TNNI1: variants seen among roughly 807,000 people sequenced by gnomAD.
The protein encoded by TNNI1 is troponin I, slow skeletal muscle.
In TNNI1, 14 loss-of-function variants were observed where a neutral mutation model predicts 26.7. The ratio of observed to expected loss-of-function variants is 0.52; its 90% confidence interval spans 0.35 to 0.82. The LOEUF (loss-of-function observed/expected upper bound fraction) is 0.82, where lower values mean the gene tolerates loss of function less well. TNNI1 is among the 40% of genes least tolerant of loss of function. TNNI1 has a pLI of 0.01. For synonymous variants in TNNI1, 79 were observed against 98.2 expected (o/e 0.80, Z 1.16); for missense variants, 164 against 257.0 (o/e 0.64, Z 2.47).
chr1:201,417,697 A>C, intron 2 of TNNI1, 86 bp downstream of exon 2: 1 of 1,214,178 alleles, frequency 8.2e-7, no homozygotes, highest in Non-Finnish European at 1.1e-6. Context: ...TGGGGGTTGA[A>C]AACATGGTGC....
chr1:201,413,112 G>A lies in TNNI1; in HGVS notation c.199C>T (p.Arg67Trp), dbSNP rs2296695. The A allele has an allele frequency of 3.7e-5, 59 of 1,613,864 alleles. No individual in the cohort carries two copies. Among genetic ancestry groups the A allele is most frequent in the East Asian group, 4.5e-5 (2 of 44,884 alleles). Residue 67 changes from arginine to tryptophan, a missense_variant, in exon 6 of 9, where the codon CGG becomes TGG. Coordinates refer to ENST00000361379, the MANE Select transcript of TNNI1 (RefSeq NM_003281.4). The part of the protein sequence containing the change: ...LSLSALQDLC[R>W]ELHAKVEVVD... ...ACCTCCACCTTGGCGTGCAGCTCCCGGCACAGGTCCTGGGGGCCGCAGATG... is the reference window on the plus strand; with the variant it reads ...ACCTCCACCTTGGCGTGCAGCTCCCAGCACAGGTCCTGGGGGCCGCAGATG...
At chr1:201,418,986 G>A (rs1289015772) in intron 1 of TNNI1, among the ~76,000 whole-genome samples, 1 of 152,138 alleles carries the variant, frequency 6.6e-6, no homozygotes, top group African/African-American at 2.4e-5. Flanking sequence ...AGGGTGGGAG[G>A]AGGGAGAGGA....
At chr1:201,417,993 CCCATAAG>C (rs1258797570) in intron 1 of TNNI1, among the ~76,000 whole-genome samples, 181 bp from the exon 2 acceptor site, 1 of 151,806 alleles carries the variant, frequency 6.6e-6, no homozygotes, top group Middle Eastern at 3.2e-3. Context: ...CTAACTACAG[CCCATAAG>C]CCTGACCTGG....
intron 5 of TNNI1, 131 bp downstream of exon 5, chr1:201,414,387 T>C (rs1662696934): frequency 2.7e-6 from 2 of 748,716 alleles, no homozygotes; most frequent in Admixed American, 6.5e-5. Context: ...TGAGACCATG[T>C]AAGGGAGGAG....
rs991237851 is a variant in TNNI1 at position 201,407,423 on chromosome 1, T to G, written c.*1830A>C. On this transcript the variant is annotated 3_prime_UTR_variant, in exon 9 of 9. Coordinates refer to ENST00000361379, the MANE Select transcript of TNNI1 (RefSeq NM_003281.4). ...GCAAGAACCCTGGGCAGAGTGCTGCTTCCCCTAAGGTAGCCCAAGTTGCTG... is the reference window on the plus strand; with the variant it reads ...GCAAGAACCCTGGGCAGAGTGCTGCGTCCCCTAAGGTAGCCCAAGTTGCTG... 3 of 152,278 alleles carry G rather than the reference T, an allele frequency of 2.0e-5. No homozygotes were observed. Among genetic ancestry groups the G allele is most frequent in the African/African-American group, 7.2e-5 (3 of 41,472 alleles). The allele number at this position is 152,278 out of a possible 1,614,324, so 9.4% of individuals were successfully genotyped here.
In TNNI1 at chr1:201,404,224, CAT is replaced by C. The variant is rs1027494866; in HGVS notation, c.*5027_*5028del. 5 of 152,194 alleles carry C rather than the reference CAT, an allele frequency of 3.3e-5. No individual in the cohort carries two copies. The highest frequency in any genetic ancestry group is 9.6e-5 in the African/African-American group (4 of 41,462). The allele number at this position is 152,194 out of a possible 1,614,324, so 9.4% of individuals were successfully genotyped here. ...TCTGGAATCCCCCAGAAAAAAGACT[CAT>C]AGGGCAGCTTCCCCTTTCTCGGACA... is the stretch of plus-strand genomic sequence containing the variant. On this transcript the variant is annotated 3_prime_UTR_variant, in exon 9 of 9. Transcript: ENST00000361379.
intron 7 of TNNI1, 21 bp from the exon 8 acceptor site, chr1:201,410,456 C>A (rs1329779427): frequency 1.2e-6 from 2 of 1,607,492 alleles, no homozygotes; most frequent in South Asian, 2.2e-5. Context: ...GTGGCACACA[C>A]ATCAGGGACT....
At chr1:201,413,145 C>T (rs1412182767) in intron 5 of TNNI1, 24 bp from the exon 6 acceptor site, 1 of 1,613,066 alleles carries the variant, frequency 6.2e-7, no homozygotes, top group African/African-American at 1.3e-5. Flanking sequence ...ATGGATCATG[C>T]AGGTGTGAAG....
chr1:201,414,715 G>A, intron 4 of TNNI1, 66 bp from the exon 5 acceptor site: 2 of 1,584,542 alleles, frequency 1.3e-6, no homozygotes, highest in South Asian at 2.3e-5. Context: ...GGAATGAGGG[G>A]AGGGCAGCCA....
intron 3 of TNNI1, 133 bp downstream of exon 3, chr1:201,416,983 A>C (rs1053851512): frequency 9.4e-7 from 1 of 1,064,080 alleles, no homozygotes; most frequent in African/African-American, 1.6e-5. Flanking sequence ...CAGCCACTAA[A>C]TACCCTACAC....
At position 201,405,468 on chromosome 1, in the gene TNNI1, C is replaced by T. The variant is rs1228748723; in HGVS notation, c.*3785G>A. On this transcript the variant is annotated 3_prime_UTR_variant, in exon 9 of 9. Coordinates refer to ENST00000361379, the MANE Select transcript of TNNI1 (RefSeq NM_003281.4). ...AAGCTGCCATTAGCACTGGTCCCAG[C>T]GAACTGTCCTGGGCTTCCGCAGCTT... 6.5e-6 allele frequency: 1 copy of T among 152,738 alleles called. No individual in the cohort carries two copies. The highest frequency in any genetic ancestry group is 1.5e-5 in the Non-Finnish European group (1 of 68,118). 9.5% of individuals were successfully genotyped at this position (152,738 alleles called of 1,614,324 possible).
At chr1:201,413,342 C>T (rs566557030) in intron 5 of TNNI1, among the ~76,000 whole-genome samples, 129 of 152,308 alleles carry the variant, frequency 8.5e-4, no homozygotes, top group Non-Finnish European at 2.2e-4. Flanking sequence ...AGTATTCCTT[C>T]GCTTGAACCC....
At position 201,417,789 on chromosome 1, in the gene TNNI1, G is replaced by A. The variant is rs770804434; in HGVS notation, c.5C>T (p.Pro2Leu). Reference protein sequence around the residue: MPEVERKPKITA... With the variant: MLEVERKPKITA... The stretch of plus-strand genomic sequence containing the variant: ...TGGCAGTGAGACTACTTACACTTCC[G>A]GCATGGTGGCAGTGAGACAGCACCT... Residue 2 changes from proline (P) to leucine (L), a missense_variant, in exon 2 of 9, where the codon CCG becomes CTG. Physicochemically the swap from Pro to Leu is moderately conservative, Grantham distance 98. Around this residue, in one of 3 missense-constraint regions of TNNI1, gnomAD observed 117 missense variants for 158.7 expected, o/e 0.74. Transcript: ENST00000361379. 2.7e-5 allele frequency: 35 copies of A among 1,313,250 alleles called. No homozygotes were observed. Among genetic ancestry groups the A allele is most frequent in the East Asian group, 8.4e-5 (3 of 35,678 alleles). 81.3% of individuals were successfully genotyped at this position (1,313,250 alleles called of 1,614,324 possible).
chr1:201,417,847 GTGGAAACCCCTGCCCCTGCCC>G (rs1209846060), intron 1 of TNNI1, 35 bp from the exon 2 acceptor site: 2 of 1,309,894 alleles, frequency 1.5e-6, no homozygotes, highest in East Asian at 5.6e-5. Context: ...ATAAGGGAAA[GTGGAAACCCCTGCCCCTGCCC>G]AGCTGGGCCT....
intron 5 of TNNI1, among the ~76,000 whole-genome samples, chr1:201,414,254 C>G (rs546609683): frequency 2.3e-4 from 35 of 152,356 alleles, no homozygotes; most frequent in Admixed American, 9.1e-4. Context: ...TGCCACCACA[C>G]TGGCTGATTG....
chr1:201,411,574 T>A lies in TNNI1; in HGVS notation c.280-41A>T. The A allele has an allele frequency of 6.6e-7, 1 of 1,507,374 alleles. No homozygotes were observed. Among genetic ancestry groups the A allele is most frequent in the South Asian group, 1.3e-5 (1 of 75,474 alleles). 93.4% of individuals were successfully genotyped at this position (1,507,374 alleles called of 1,614,324 possible). Reference sequence around the variant, plus strand: ...GCCCGGGGCTCACTGGAGAGGCAGCTAGCCACAGGACACCCTTCCTGAGGA... The same window carrying A: ...GCCCGGGGCTCACTGGAGAGGCAGCAAGCCACAGGACACCCTTCCTGAGGA... On this transcript the variant is annotated intron_variant, in intron 6 of 8. Coordinates refer to ENST00000361379, the MANE Select transcript of TNNI1 (RefSeq NM_003281.4). The surrounding 1 kb of genome is among the most constrained non-coding windows in gnomAD (Gnocchi z 4.6).
rs1336887960 is a variant in TNNI1, at chr1:201,421,684, C to G, written c.-31G>C. ...CTGCAGACGCTTACCTTGTTCAGTC[C>G]TCGTGGAGCTGGGCTGGCCTGTGCC... is the stretch of plus-strand genomic sequence containing the variant. On this transcript the variant is annotated 5_prime_UTR_variant, in exon 1 of 9. Transcript: ENST00000361379. The G allele has an allele frequency of 6.6e-6, 1 of 152,228 alleles. No individual in the cohort carries two copies. The highest frequency in any genetic ancestry group is 1.5e-5 in the Non-Finnish European group (1 of 68,100). 9.4% of individuals were successfully genotyped at this position (152,228 alleles called of 1,614,324 possible).
chr1:201,411,870 C>T lies in TNNI1; in HGVS notation c.280-337G>A, dbSNP rs368210316. Among the ~76,000 whole-genome samples, 14 of 152,222 alleles carry T rather than the reference C, an allele frequency of 9.2e-5. No individual in the cohort carries two copies. The South Asian group carries it at 2.7e-3, about 29-fold the overall frequency. On this transcript the variant is annotated intron_variant, in intron 6 of 8. Transcript: ENST00000361379. The surrounding 1 kb of genome is among the most constrained non-coding windows in gnomAD (Gnocchi z 4.6). The stretch of plus-strand genomic sequence containing the variant: ...TCACACTCCTGTGAGAATCTAATGC[C>T]GCCGCTGATCTGACAGGAGGCAGAG...
intron 6 of TNNI1, among the ~76,000 whole-genome samples, chr1:201,412,807 G>A (rs1052362551): frequency 6.6e-6 from 1 of 152,236 alleles, no homozygotes; most frequent in Non-Finnish European, 1.5e-5. Context: ...TTAGGCTGAT[G>A]AGCCCACATG....
Sources: gnomAD v4.1 joint callset for allele counts (sites outside exome capture counted in the v4.1 genomes callset) on GRCh38, gnomAD v4.1.1 for gene constraint, gnomAD v4.1.1 regional missense constraint, Gnocchi (gnomAD v3.1) non-coding constraint, MANE v1.5 for transcripts, NCBI Gene and HGNC (gene_info 2026-07-23, HGNC 2026-07-21) for gene names.